Variants in NETO1 observed in about 807,000 individuals in gnomAD.
NETO1 encodes neuropilin and tolloid-like protein 1.
A neutral mutation model predicts 61.3 loss-of-function variants in NETO1; 26 were observed. That is an observed-to-expected ratio of 0.42 (90% CI 0.31 to 0.59). NETO1 has a LOEUF of 0.59. Among genes scored for constraint, NETO1 ranks in the 20% least tolerant of loss-of-function variants. The pLI, the probability that NETO1 is intolerant of heterozygous loss-of-function variation, is 0.12. For synonymous variants in NETO1, 225 were observed against 225.8 expected (o/e 1.00, Z 0.03); for missense variants, 531 against 662.8 (o/e 0.80, Z 2.18).
At chr18:72,778,529 A>T (rs558621578) in intron 7 of NETO1, among the ~76,000 whole-genome samples, 1 of 152,260 alleles carries the variant, frequency 6.6e-6, no homozygotes, top group Non-Finnish European at 1.5e-5. Flanking sequence ...ATCCAATTTC[A>T]TCCCTCACAA....
At chr18:72,785,194 CTGTA>C (rs1172006011) in intron 6 of NETO1, among the ~76,000 whole-genome samples, 1 of 151,712 alleles carries the variant, frequency 6.6e-6, no homozygotes, top group Non-Finnish European at 1.5e-5. Context: ...TTTCATCATT[CTGTA>C]TGTATTTTTT....
rs1300233766 is a variant in NETO1 at position 72,830,916 on chromosome 18, A to G, written c.469+27910T>C. Reference sequence around the variant, plus strand: ...GTTTTCATTTACCACTGCAGGAAAAACTGTACTTGATAGGGTTGTCAATTA... The same window carrying G: ...GTTTTCATTTACCACTGCAGGAAAAGCTGTACTTGATAGGGTTGTCAATTA... On this transcript the variant is annotated intron_variant, in intron 4 of 10. Coordinates refer to ENST00000327305, the MANE Select transcript of NETO1 (RefSeq NM_138966.5). The surrounding 1 kb of genome is among the most constrained non-coding windows in gnomAD (Gnocchi z 4.9). 1.3e-5 allele frequency among the ~76,000 whole-genome samples: 2 copies of G among 151,984 alleles called. No individual in the cohort carries two copies. The highest frequency in any genetic ancestry group is 1.3e-4 in the Admixed American group (2 of 15,264).
Position 72,867,467 on chromosome 18 carries a change from A to G in NETO1, c.-176T>C, listed in dbSNP as rs1599207787. On this transcript the variant is annotated 5_prime_UTR_variant, in exon 1 of 11. Coordinates refer to ENST00000327305, the MANE Select transcript of NETO1 (RefSeq NM_138966.5). ...AGGGGGAGCTCCGAGCCCACGCTGC[A>G]GCCAGATCCGGATGAGTCCGTCCTC... is the stretch of plus-strand genomic sequence containing the variant. 8.6e-5 allele frequency: 36 copies of G among 419,600 alleles called. No individual in the cohort carries two copies. In the East Asian group the frequency reaches 1.3e-3, roughly 15 times the overall value. The allele number at this position is 419,600 out of a possible 1,614,324, so 26.0% of individuals were successfully genotyped here.
At chr18:72,799,374 A>G (rs2054717034) in intron 4 of NETO1, among the ~76,000 whole-genome samples, 1 of 152,238 alleles carries the variant, frequency 6.6e-6, no homozygotes, top group African/African-American at 2.4e-5. Flanking sequence ...GATGTGCATG[A>G]GGATACGTTA....
At chr18:72,829,348 C>T (rs918346182) in intron 4 of NETO1, among the ~76,000 whole-genome samples, 2 of 152,032 alleles carry the variant, frequency 1.3e-5, no homozygotes, top group Non-Finnish European at 2.9e-5. Flanking sequence ...TCTTGATTTT[C>T]CTTAAAGAAA....
At position 72,842,339 on chromosome 18, in the gene NETO1, G is replaced by A. The variant is rs1381610830; in HGVS notation, c.469+16487C>T. Among the ~76,000 whole-genome samples the A allele has an allele frequency of 2.0e-5, 3 of 152,002 alleles. No individual in the cohort carries two copies. The East Asian group carries it at 5.8e-4, about 29-fold the overall frequency. ...ACAACAAAGAATATTATTGTTACGA[G>A]TTTCGAATAAACTCATGGGATATAA... On this transcript the variant is annotated intron_variant, in intron 4 of 10. Coordinates refer to ENST00000327305, the MANE Select transcript of NETO1 (RefSeq NM_138966.5).
At chr18:72,861,854 T>G (rs1200884491) in intron 3 of NETO1, among the ~76,000 whole-genome samples, 1 of 152,242 alleles carries the variant, frequency 6.6e-6, no homozygotes, top group Non-Finnish European at 1.5e-5. Context: ...ATCTCCACTA[T>G]GCCAATGGGA....
chr18:72,854,143 G>C (rs36091018), intron 4 of NETO1, among the ~76,000 whole-genome samples: 31,884 of 151,406 alleles, frequency 0.21, 3,887 homozygotes, highest in East Asian at 0.45. Context: ...GTCCATCAAA[G>C]CATGCAGCTT....
intron 4 of NETO1, among the ~76,000 whole-genome samples, chr18:72,828,546 A>G (rs55902264): frequency 0.072 from 10,952 of 152,316 alleles, 828 homozygotes; most frequent in African/African-American, 0.18. Flanking sequence ...TTTTCAAACT[A>G]TAATTGAAAG....
chr18:72,826,317 A>C (rs2073371905), intron 4 of NETO1, among the ~76,000 whole-genome samples: 1 of 152,032 alleles, frequency 6.6e-6, no homozygotes, highest in South Asian at 2.1e-4. Context: ...GCTTTCTTTT[A>C]CTTAACACTT....
intron 6 of NETO1, among the ~76,000 whole-genome samples, chr18:72,788,256 A>G (rs955473969): frequency 6.6e-6 from 1 of 152,188 alleles, no homozygotes; most frequent in African/African-American, 2.4e-5. Flanking sequence ...GATCCCAGGT[A>G]ATCACGTCTG....
intron 4 of NETO1, among the ~76,000 whole-genome samples, chr18:72,800,608 C>T (rs779638201): frequency 6.6e-6 from 1 of 152,066 alleles, no homozygotes; most frequent in Non-Finnish European, 1.5e-5. Flanking sequence ...AAATAAAGTG[C>T]ACAATAAATG....
chr18:72,783,895 T>C lies in NETO1; in HGVS notation c.651A>G (p.Arg217=), dbSNP rs2071825594. 6.2e-7 allele frequency: 1 copy of C among 1,611,600 alleles called. No homozygotes were observed. The highest frequency in any genetic ancestry group is 1.3e-5 in the African/African-American group (1 of 74,876). The change falls in exon 7 of 11, where the codon CGA becomes CGG. Residue 217 remains arginine (R), a synonymous_variant. Transcript: ENST00000327305. Reference sequence around the variant, plus strand: ...AATTCTGCATCTCATAGTCCAAGAATCGTAAGTAAATCTATAAAACAAAAA... The same window carrying C: ...AATTCTGCATCTCATAGTCCAAGAACCGTAAGTAAATCTATAAAACAAAAA... ...RAPPRSKIYL[R]FLDYEMQNSN... is the part of the protein sequence containing the mutation.
rs1449156533 is a variant in NETO1, at chr18:72,799,883, C to CT, written c.470-5480dup. ...AACACAGATTCAGTTACAAAACTTG[C>CT]TTACTTGTGCGACACATTCAACCTG... On this transcript the variant is annotated intron_variant, in intron 4 of 10. Coordinates refer to ENST00000327305, the MANE Select transcript of NETO1 (RefSeq NM_138966.5). 2.0e-5 allele frequency among the ~76,000 whole-genome samples: 3 copies of CT among 152,370 alleles called. No individual in the cohort carries two copies. In the East Asian group the frequency reaches 5.8e-4, roughly 29 times the overall value.
chr18:72,857,336 G>C (rs1303344692), intron 4 of NETO1, among the ~76,000 whole-genome samples: 1 of 152,132 alleles, frequency 6.6e-6, no homozygotes, highest in East Asian at 1.9e-4. Flanking sequence ...AAAACCCAGG[G>C]AACAAAAAGG....
At chr18:72,828,077 C>T (rs967891400) in intron 4 of NETO1, among the ~76,000 whole-genome samples, 1 of 151,978 alleles carries the variant, frequency 6.6e-6, no homozygotes, top group African/African-American at 2.4e-5. Flanking sequence ...CTTTGTGAGG[C>T]CAAGGCCAGC....
rs2074698171 is a variant in NETO1 at position 72,865,194 on chromosome 18, C to G, written c.76G>C (p.Gly26Arg). ...ILHLSGATKK[G>R]TEKQTTSETQ... ...TTTTTCTAAGTAAACACACCTGTTC[C>G]TTTCTTGGTTGCCCCAGACAAATGG... The change falls in exon 2 of 11, where the codon GGA (glycine) becomes CGA (arginine). Residue 26 changes from glycine to arginine, a missense_variant. Coordinates refer to ENST00000327305, the MANE Select transcript of NETO1 (RefSeq NM_138966.5). The G allele has an allele frequency of 6.2e-7, 1 of 1,612,794 alleles. No individual in the cohort carries two copies. Among genetic ancestry groups the G allele is most frequent in the Admixed American group, 1.7e-5 (1 of 59,832 alleles).
At chr18:72,748,337 A>G in intron 10 of NETO1, 173 bp from the exon 11 acceptor site, 1 of 976,600 alleles carries the variant, frequency 1.0e-6, no homozygotes, top group Non-Finnish European at 1.2e-6. Context: ...TTGGAGACAA[A>G]TTAGGCTAAT....
chr18:72,793,973 C>T (rs890761114), intron 6 of NETO1, 144 bp downstream of exon 6: 1 of 954,348 alleles, frequency 1.0e-6, no homozygotes, highest in Non-Finnish European at 1.6e-6. Flanking sequence ...AGACAAGTTA[C>T]ATCTCAAAAA....
Sources: allele counts gnomAD v4.1 joint callset (sites outside exome capture counted in the v4.1 genomes callset), GRCh38; gene constraint gnomAD v4.1.1; non-coding constraint Gnocchi (gnomAD v3.1); transcripts MANE v1.5; gene names NCBI Gene and HGNC (gene_info 2026-07-23, HGNC 2026-07-21).